Variants in CLDN10 observed in about 807,000 individuals in gnomAD.
The protein encoded by CLDN10 is claudin-10.
A neutral mutation model predicts 22.9 loss-of-function variants in CLDN10; 15 were observed. The observed-to-expected ratio is 0.65, with a 90% confidence interval of 0.44 to 1.01. CLDN10 has a LOEUF of 1.01. Ranked by LOEUF, CLDN10 falls within the 50% of genes least tolerant of loss-of-function variation. The pLI, the probability that CLDN10 is intolerant of heterozygous loss-of-function variation, is 0.00. For synonymous variants in CLDN10, 114 were observed against 111.4 expected, an observed-to-expected ratio of 1.02 and a Z score of -0.15; for missense variants, 247 against 287.8, an observed-to-expected ratio of 0.86 and a Z score of 1.03.
chr13:95,442,964 C>T (rs2066032), intron 1 of CLDN10, among the ~76,000 whole-genome samples: 60,416 of 152,038 alleles, frequency 0.4, 12,208 homozygotes, highest in Middle Eastern at 0.5. Context: ...ATGACTTTAA[C>T]CATGTAGCAT....
chr13:95,533,235 TAGAG>T (rs1314392541), intron 1 of CLDN10, among the ~76,000 whole-genome samples: 90 of 146,390 alleles, frequency 6.1e-4, no homozygotes, highest in African/African-American at 2.0e-3. Flanking sequence ...AAAAGATTGA[TAGAG>T]GGAGGGAGAG....
intron 1 of CLDN10, among the ~76,000 whole-genome samples, chr13:95,466,517 A>G (rs769292224): frequency 6.6e-6 from 1 of 152,224 alleles, no homozygotes; most frequent in Non-Finnish European, 1.5e-5. Context: ...TAATAATTTA[A>G]CAAATCACTA....
rs550307121 is a variant in CLDN10, at chr13:95,568,777, ACTGT to A, written c.464+8326_464+8329del. 1.7e-3 allele frequency among the ~76,000 whole-genome samples: 257 copies of A among 152,186 alleles called. 3 individuals carry two copies. Among genetic ancestry groups the A allele is most frequent in the African/African-American group, 2.8e-3 (117 of 41,524 alleles). ...GATGGTAAATCTGCAGTGGTGTAGG[ACTGT>A]CTGTCTGTCTGCATATCTCCTAGAA... On this transcript the variant is annotated intron_variant, in intron 3 of 4. Coordinates refer to ENST00000299339, the MANE Select transcript of CLDN10 (RefSeq NM_006984.5).
chr13:95,553,032 G>A, intron 1 of CLDN10, 59 bp downstream of exon 1: 2 of 1,585,964 alleles, frequency 1.3e-6, no homozygotes, highest in Non-Finnish European at 1.7e-6. Context: ...AGCCCGCTAG[G>A]CGCCCTCTCG....
intron 1 of CLDN10, among the ~76,000 whole-genome samples, chr13:95,532,296 C>T (rs531706735): frequency 5.9e-5 from 9 of 151,938 alleles, no homozygotes; most frequent in African/African-American, 2.2e-4. Flanking sequence ...ACAGCTCTTA[C>T]AAAAACAAAG....
intron 1 of CLDN10, among the ~76,000 whole-genome samples, chr13:95,470,043 T>C (rs2042615638): frequency 6.6e-6 from 1 of 152,208 alleles, no homozygotes; most frequent in South Asian, 2.1e-4. Flanking sequence ...TCTCATTCAA[T>C]AAACCACCAC....
intron 1 of CLDN10, among the ~76,000 whole-genome samples, chr13:95,554,418 C>T (rs1031622664): frequency 6.6e-6 from 1 of 152,092 alleles, no homozygotes; most frequent in East Asian, 1.9e-4. Context: ...GAAATGAATG[C>T]TCTATGAATA....
chr13:95,514,722 T>C (rs1487617715), intron 1 of CLDN10, among the ~76,000 whole-genome samples: 1 of 152,014 alleles, frequency 6.6e-6, no homozygotes, highest in Non-Finnish European at 1.5e-5. Flanking sequence ...GTCATGCATT[T>C]AGGTGTTTAG....
chr13:95,578,283 T>C lies in CLDN10; in HGVS notation c.*269T>C. 3.9e-6 allele frequency: 1 copy of C among 253,372 alleles called. No homozygotes were observed. Among genetic ancestry groups the C allele is most frequent in the Non-Finnish European group, 7.6e-6 (1 of 132,258 alleles). The allele number at this position is 253,372 out of a possible 1,614,324, so 15.7% of individuals were successfully genotyped here. ...ATTTATATAGAACATGAAAAGCATT[T>C]AGTACCAAAGGTTCAAGAAGTATTC... On this transcript the variant is annotated 3_prime_UTR_variant, in exon 5 of 5. Coordinates refer to ENST00000299339, the MANE Select transcript of CLDN10 (RefSeq NM_006984.5).
At chr13:95,436,688 G>A (rs186242351) in intron 1 of CLDN10, among the ~76,000 whole-genome samples, 1 of 152,290 alleles carries the variant, frequency 6.6e-6, no homozygotes, top group East Asian at 1.9e-4. Flanking sequence ...CTTTGCTGCA[G>A]AAATCTGTTT....
intron 3 of CLDN10, among the ~76,000 whole-genome samples, chr13:95,576,685 G>A (rs182714666): frequency 3.9e-5 from 6 of 152,176 alleles, no homozygotes; most frequent in African/African-American, 1.4e-4. Flanking sequence ...GCAGAGCACT[G>A]TCACCTGCCA....
At chr13:95,496,245 C>T (rs2042928742) in intron 1 of CLDN10, among the ~76,000 whole-genome samples, 1 of 152,230 alleles carries the variant, frequency 6.6e-6, no homozygotes, top group South Asian at 2.1e-4. Context: ...GCATATGCTT[C>T]ACTTCCAGTA....
intron 1 of CLDN10, among the ~76,000 whole-genome samples, chr13:95,469,472 T>G (rs528529899): frequency 5.9e-5 from 9 of 152,286 alleles, no homozygotes; most frequent in Admixed American, 2.6e-4. Context: ...AAATGTAAAG[T>G]TTTAGAGCCA....
chr13:95,511,132 T>C (rs1355400756), intron 1 of CLDN10, among the ~76,000 whole-genome samples: 2 of 152,186 alleles, frequency 1.3e-5, no homozygotes, highest in Non-Finnish European at 2.9e-5. Context: ...ATCTACAGAA[T>C]TAGGATTTGA....
intron 1 of CLDN10, among the ~76,000 whole-genome samples, chr13:95,447,642 A>G (rs1174191176): frequency 6.6e-6 from 1 of 151,936 alleles, no homozygotes; most frequent in Admixed American, 6.6e-5. Context: ...CTCCTTCACC[A>G]GGACTTGCTT....
intron 1 of CLDN10, chr13:95,528,497 G>A (rs2043308556): frequency 6.6e-6 from 1 of 152,144 alleles, no homozygotes; most frequent in South Asian, 2.1e-4. Context: ...CATACATTTT[G>A]GTGTCAAATA....
intron 1 of CLDN10, among the ~76,000 whole-genome samples, chr13:95,520,980 A>C (rs1488747115): frequency 2.6e-5 from 4 of 152,114 alleles, no homozygotes; most frequent in Non-Finnish European, 5.9e-5. Context: ...AAAACAGCAA[A>C]ATTGTTGGAT....
chr13:95,511,824 T>C (rs9561884), intron 1 of CLDN10, among the ~76,000 whole-genome samples: 27,640 of 87,234 alleles, frequency 0.32, 8,706 homozygotes, highest in African/African-American at 0.36. Flanking sequence ...TGTATATCTT[T>C]TTTTTCTGAC....
rs144038131 is a variant in CLDN10 at position 95,473,091 on chromosome 13, G to A, written c.214+39044G>A. Among the ~76,000 whole-genome samples, 655 of 145,442 alleles carry A rather than the reference G, an allele frequency of 4.5e-3. 5 individuals carry two copies. The highest frequency in any genetic ancestry group is 0.016 in the African/African-American group (618 of 39,034). On this transcript the variant is annotated intron_variant, in intron 1 of 4. Coordinates refer to the CLDN10 transcript ENST00000376873. ...GGAGTTTGAGGCTGCAGTGAGCTAC[G>A]ATCGTACCACAGCACTTCAAGCTGG...
Sources: gnomAD v4.1 joint callset for allele counts (sites outside exome capture counted in the v4.1 genomes callset) on GRCh38, gnomAD v4.1.1 for gene constraint, MANE v1.5 for transcripts, NCBI Gene and HGNC (gene_info 2026-07-23, HGNC 2026-07-21) for gene names.